DACH2: variants seen among roughly 807,000 people sequenced by gnomAD.
DACH2 encodes the protein dachshund homolog 2.
A neutral mutation model predicts 35.8 loss-of-function variants in DACH2; 17 were observed. The ratio of observed to expected loss-of-function variants is 0.48; its 90% confidence interval spans 0.33 to 0.71. DACH2 has a LOEUF of 0.71. Among genes scored for constraint, DACH2 ranks in the 30% least tolerant of loss-of-function variants. The pLI is 0.02. For synonymous variants in DACH2, 195 were observed against 177.3 expected, an observed-to-expected ratio of 1.10 and a Z score of -0.79; for missense variants, 469 against 472.7, an observed-to-expected ratio of 0.99 and a Z score of 0.07.
chrX:86,331,007 T>C (rs2148048783), intron 1 of DACH2, among the ~76,000 whole-genome samples: 1 of 111,474 alleles, frequency 9.0e-6, no homozygotes, highest in African/African-American at 3.3e-5. Flanking sequence ...CACAGTTTCA[T>C]TGTTATTTGG....
At chrX:86,189,981 T>A (rs1213433132) in intron 1 of DACH2, among the ~76,000 whole-genome samples, 2 of 109,463 alleles carry the variant, frequency 1.8e-5, no homozygotes, top group Admixed American at 9.8e-5. Context: ...CTGGCCAACA[T>A]GGTGAAACCC....
At chrX:86,594,899 G>T (rs771019002) in intron 3 of DACH2, among the ~76,000 whole-genome samples, 1 of 111,523 alleles carries the variant, frequency 9.0e-6, no homozygotes, top group South Asian at 3.7e-4. Context: ...ATAACAATGG[G>T]TTCATTTTTT....
chrX:86,566,537 A>T (rs765985838), intron 3 of DACH2, among the ~76,000 whole-genome samples: 21 of 111,626 alleles, frequency 1.9e-4, no homozygotes, highest in African/African-American at 5.5e-4. Flanking sequence ...GCCTTAGTCG[A>T]TTAAAAACTG....
chrX:86,717,089 A>G (rs1378571104), intron 6 of DACH2, among the ~76,000 whole-genome samples: 1 of 112,193 alleles, frequency 8.9e-6, no homozygotes, highest in Non-Finnish European at 1.9e-5. Flanking sequence ...ACTCTGATAA[A>G]AATTTCTATT....
chrX:86,509,732 A>T (rs1370352811), intron 2 of DACH2, among the ~76,000 whole-genome samples: 1 of 112,120 alleles, frequency 8.9e-6, no homozygotes, highest in African/African-American at 3.2e-5. Context: ...ATTTAATATA[A>T]CGTGCACATT....
chrX:86,556,365 C>T (rs6623706), intron 3 of DACH2, among the ~76,000 whole-genome samples: 35,418 of 109,479 alleles, frequency 0.32, 4,659 homozygotes, highest in Middle Eastern at 0.46. Context: ...TTCATTATCT[C>T]TTTTGTGTAG....
intron 11 of DACH2, among the ~76,000 whole-genome samples, chrX:86,816,342 A>G (rs1440582224): frequency 8.9e-6 from 1 of 112,118 alleles, no homozygotes; most frequent in Non-Finnish European, 1.9e-5. Context: ...TTTTACATAT[A>G]CAATGTGAGC....
At chrX:86,670,106 C>T (rs1370980293) in intron 4 of DACH2, among the ~76,000 whole-genome samples, 1 of 111,102 alleles carries the variant, frequency 9.0e-6, no homozygotes, top group African/African-American at 3.3e-5. Context: ...TATGAAAGCT[C>T]CTTATACTTA....
intron 3 of DACH2, among the ~76,000 whole-genome samples, chrX:86,561,939 C>A (rs2039225064): frequency 1.0e-5 from 1 of 95,570 alleles, no homozygotes; most frequent in Non-Finnish European, 2.1e-5. Flanking sequence ...AGCAAGGATT[C>A]AGGATGCCAA....
intron 1 of DACH2, among the ~76,000 whole-genome samples, chrX:86,316,604 C>A (rs762704972): frequency 3.6e-5 from 4 of 111,634 alleles, no homozygotes; most frequent in African/African-American, 1.3e-4. Flanking sequence ...GAATGGAATA[C>A]CTAATGGCTG....
At chrX:86,721,085 T>C (rs908789401) in intron 6 of DACH2, among the ~76,000 whole-genome samples, 1 of 112,236 alleles carries the variant, frequency 8.9e-6, no homozygotes, top group Non-Finnish European at 1.9e-5. Flanking sequence ...GGGCCCTGAA[T>C]CCTGCCCAGG....
At chrX:86,689,578 C>T (rs1461705421) in intron 4 of DACH2, among the ~76,000 whole-genome samples, 1 of 111,819 alleles carries the variant, frequency 8.9e-6, no homozygotes, top group Admixed American at 9.5e-5. Flanking sequence ...TATTCTATGG[C>T]TGAGAGAACA....
intron 1 of DACH2, among the ~76,000 whole-genome samples, chrX:86,280,987 C>T (rs1295168604): frequency 9.0e-6 from 1 of 111,347 alleles, no homozygotes; most frequent in African/African-American, 3.3e-5. Context: ...TTTACACTCC[C>T]ACACAATAAT....
At chrX:86,237,942 C>A (rs1467492556) in intron 1 of DACH2, among the ~76,000 whole-genome samples, 1 of 111,944 alleles carries the variant, frequency 8.9e-6, no homozygotes, top group East Asian at 2.8e-4. Context: ...TAGGTCTGGG[C>A]TCCCCGAAGT....
chrX:86,148,950 C>T lies in DACH2; in HGVS notation c.330C>T (p.Tyr110=), dbSNP rs755236675. ...TGGTGGGAGGCTTGCACACTGTGTACACCAAGCTGAAGAGACTGGATATAT... is the reference window on the plus strand; with the variant it reads ...TGGTGGGAGGCTTGCACACTGTGTATACCAAGCTGAAGAGACTGGATATAT... The part of the protein sequence containing the change: ...KHLVGGLHTV[Y]TKLKRLDISP... Residue 110 remains tyrosine, a synonymous_variant, in exon 1 of 12, where the codon TAC becomes TAT. Coordinates refer to ENST00000373125, the MANE Select transcript of DACH2 (RefSeq NM_053281.3). 3 of 1,211,105 alleles carry T rather than the reference C, an allele frequency of 2.5e-6. No individual in the cohort carries two copies. Among genetic ancestry groups the T allele is most frequent in the Non-Finnish European group, 3.4e-6 (3 of 895,457 alleles).
chrX:86,484,395 T>G (rs978118402), intron 2 of DACH2, among the ~76,000 whole-genome samples: 1 of 111,697 alleles, frequency 9.0e-6, no homozygotes, highest in Non-Finnish European at 1.9e-5. Context: ...TCTGTTGGCA[T>G]TGTTGGCAGT....
intron 7 of DACH2, among the ~76,000 whole-genome samples, chrX:86,802,955 A>G (rs1226826367): frequency 1.8e-5 from 2 of 112,259 alleles, no homozygotes; most frequent in Non-Finnish European, 3.8e-5. Context: ...GCAAACTGTT[A>G]TAATGTTACT....
In DACH2 at chrX:86,418,595, C is replaced by G; in HGVS notation, c.527+41733C>G. Among the ~76,000 whole-genome samples the G allele has an allele frequency of 1.8e-5, 2 of 111,491 alleles. 1 individual carries two copies. The highest frequency in any genetic ancestry group is 8.4e-3 in the Middle Eastern group (2 of 238). On this transcript the variant is annotated intron_variant, in intron 2 of 11. Transcript: ENST00000373125. ...CTCAGGGCAGCTGAGATGCAGGACA[C>G]CAAGTCTGTAGGCTGCACACAGCAC... is the stretch of plus-strand genomic sequence containing the variant.
At chrX:86,603,159 C>G (rs1288409204) in intron 3 of DACH2, among the ~76,000 whole-genome samples, 1 of 110,881 alleles carries the variant, frequency 9.0e-6, no homozygotes, top group South Asian at 3.8e-4. Flanking sequence ...GTGGCCTTTT[C>G]TTTTTCATAT....
Sources: gnomAD v4.1 joint callset for allele counts (sites outside exome capture counted in the v4.1 genomes callset) on GRCh38, gnomAD v4.1.1 for gene constraint, MANE v1.5 for transcripts, NCBI Gene and HGNC (gene_info 2026-07-23, HGNC 2026-07-21) for gene names.